Variants in AXDND1 observed in about 807,000 individuals in gnomAD.
AXDND1 encodes the protein axonemal dynein light chain domain-containing protein 1.
Under a neutral mutation model 137.5 loss-of-function variants are expected in AXDND1, and 110 were observed. The observed-to-expected ratio is 0.80, with a 90% CI of 0.69 to 0.94. The LOEUF (loss-of-function observed/expected upper bound fraction) is 0.94, where lower values mean the gene tolerates loss of function less well. Among genes scored for constraint, AXDND1 ranks in the 40% least tolerant of loss-of-function variants. The pLI, the probability that AXDND1 is intolerant of heterozygous loss-of-function variation, is 0.00. For synonymous variants in AXDND1, 414 were observed against 399.7 expected, an observed-to-expected ratio of 1.04 and a Z score of -0.43; for missense variants, 1,191 against 1,169.8, an observed-to-expected ratio of 1.02 and a Z score of -0.26.
chr1:179,491,469 A>G, intron 18 of AXDND1, 69 bp from the exon 19 acceptor site: 1 of 1,062,840 alleles, frequency 9.4e-7, no homozygotes, highest in Non-Finnish European at 1.4e-6. Flanking sequence ...CTATTTTAAA[A>G]TTTGGTGTGA....
At chr1:179,550,157 A>G (rs904859285) in intron 25 of AXDND1, among the ~76,000 whole-genome samples, 2 of 152,194 alleles carry the variant, frequency 1.3e-5, no homozygotes, top group African/African-American at 4.8e-5. Flanking sequence ...TAATGTTAGT[A>G]ATGTTTTATA....
intron 20 of AXDND1, among the ~76,000 whole-genome samples, chr1:179,503,916 G>A (rs2125623008): frequency 6.6e-6 from 1 of 152,270 alleles, no homozygotes; most frequent in East Asian, 1.9e-4. Flanking sequence ...ACGACTGAAA[G>A]TATTCCCATT....
intron 25 of AXDND1, among the ~76,000 whole-genome samples, chr1:179,541,087 C>T (rs1442125500): frequency 6.6e-6 from 1 of 152,222 alleles, no homozygotes; most frequent in African/African-American, 2.4e-5. Context: ...GAATTTCAAG[C>T]CAGTGGATCT....
intron 4 of AXDND1, among the ~76,000 whole-genome samples, chr1:179,375,498 A>G (rs1407604873): frequency 7.1e-6 from 1 of 140,402 alleles, no homozygotes; most frequent in Non-Finnish European, 1.6e-5. Flanking sequence ...ATAATGTATA[A>G]CATATAATGT....
chr1:179,366,887 T>G (rs1430103198), intron 2 of AXDND1, among the ~76,000 whole-genome samples: 1 of 152,240 alleles, frequency 6.6e-6, no homozygotes, highest in African/African-American at 2.4e-5. Context: ...GTTACGTATT[T>G]TTTGGTTCCT....
intron 25 of AXDND1, 186 bp downstream of exon 25, chr1:179,535,148 C>T: frequency 1.3e-6 from 1 of 784,192 alleles, no homozygotes; most frequent in Non-Finnish European, 2.0e-6. Flanking sequence ...AAAAGGAAAA[C>T]CAAATGAATA....
At chr1:179,377,514 G>A (rs1001074080) in intron 4 of AXDND1, among the ~76,000 whole-genome samples, 20 of 152,170 alleles carry the variant, frequency 1.3e-4, no homozygotes, top group Admixed American at 6.5e-4. Context: ...TCAAGATTCC[G>A]TCTCCTGGAA....
At chr1:179,537,123 A>G (rs575360740) in intron 25 of AXDND1, among the ~76,000 whole-genome samples, 60 of 152,270 alleles carry the variant, frequency 3.9e-4, no homozygotes, top group African/African-American at 1.4e-3. Context: ...TGAGATGATG[A>G]GGTTTTCTAA....
intron 2 of AXDND1, among the ~76,000 whole-genome samples, chr1:179,367,531 G>GT (rs1667571214): frequency 6.6e-6 from 1 of 151,334 alleles, no homozygotes; most frequent in Non-Finnish European, 1.5e-5. Context: ...GAGGTCAGGA[G>GT]TTTGAGACCA....
At position 179,552,620 on chromosome 1, in the gene AXDND1, T is replaced by G. The variant is rs1479036867; in HGVS notation, c.3032-1892T>G. On this transcript the variant is annotated intron_variant, in intron 25 of 25. Coordinates refer to ENST00000367618, the MANE Select transcript of AXDND1 (RefSeq NM_144696.6). Reference sequence around the variant, plus strand: ...GTGCTCACCCGCACTTTGGCTTGTCTTTGCGCTTCAGCCTCCACAGCCAGT... The same window carrying G: ...GTGCTCACCCGCACTTTGGCTTGTCGTTGCGCTTCAGCCTCCACAGCCAGT... The G allele has an allele frequency of 1.2e-6, 2 of 1,613,384 alleles. No individual in the cohort carries two copies. Among genetic ancestry groups the G allele is most frequent in the East Asian group, 2.2e-5 (1 of 44,878 alleles).
chr1:179,463,275 T>C (rs564757871), intron 16 of AXDND1, among the ~76,000 whole-genome samples: 1 of 152,246 alleles, frequency 6.6e-6, no homozygotes, highest in African/African-American at 2.4e-5. Context: ...AATTTCCCTC[T>C]ACACACTGCT....
At chr1:179,510,521 T>C (rs765899086) in intron 21 of AXDND1, among the ~76,000 whole-genome samples, 3 of 152,224 alleles carry the variant, frequency 2.0e-5, no homozygotes, top group Non-Finnish European at 4.4e-5. Flanking sequence ...ATGTGCTGTC[T>C]AGATCTTGGC....
intron 25 of AXDND1, among the ~76,000 whole-genome samples, chr1:179,535,299 GT>G (rs1477726252): frequency 6.6e-6 from 1 of 151,754 alleles, no homozygotes; most frequent in East Asian, 1.9e-4. Flanking sequence ...AGGTATACAT[GT>G]GCCATGTTGG....
At chr1:179,412,382 C>T (rs1265286196) in intron 12 of AXDND1, among the ~76,000 whole-genome samples, 1 of 152,120 alleles carries the variant, frequency 6.6e-6, no homozygotes, top group Non-Finnish European at 1.5e-5. Context: ...GTTCACTGGT[C>T]TACTGGTGGC....
chr1:179,425,835 CTTTTTT>C (rs11300946), intron 12 of AXDND1, among the ~76,000 whole-genome samples: 1 of 101,108 alleles, frequency 9.9e-6, no homozygotes, highest in African/African-American at 3.6e-5. Flanking sequence ...TGTGGAAGCT[CTTTTTT>C]TTTTTTTTTT....
At chr1:179,461,422 A>G (rs539552678) in intron 16 of AXDND1, among the ~76,000 whole-genome samples, 1,854 of 150,788 alleles carry the variant, frequency 0.012, 45 homozygotes, top group African/African-American at 0.044. Context: ...ATCTGTTTTG[A>G]TAGCAATACC....
chr1:179,500,992 A>G (rs1667939889), intron 20 of AXDND1, among the ~76,000 whole-genome samples: 1 of 152,132 alleles, frequency 6.6e-6, no homozygotes. Flanking sequence ...AAATTTAAAA[A>G]TTCACCTCTC....
intron 21 of AXDND1, among the ~76,000 whole-genome samples, chr1:179,514,583 T>C (rs760536704): frequency 5.9e-5 from 9 of 152,166 alleles, no homozygotes; most frequent in Admixed American, 2.0e-4. Context: ...CTAAGTCCAT[T>C]TGTTCCAAGG....
At chr1:179,526,991 C>T (rs1292373352) in intron 22 of AXDND1, among the ~76,000 whole-genome samples, 1 of 152,118 alleles carries the variant, frequency 6.6e-6, no homozygotes, top group Admixed American at 6.5e-5. Context: ...TGATTCAGAG[C>T]CCAGGAGAGG....
Sources: allele counts gnomAD v4.1 joint callset (sites outside exome capture counted in the v4.1 genomes callset), GRCh38; gene constraint gnomAD v4.1.1; transcripts MANE v1.5; gene names NCBI Gene and HGNC (gene_info 2026-07-23, HGNC 2026-07-21).